Variants in NALF1 observed in about 807,000 individuals in gnomAD.
The protein encoded by NALF1 is family with sequence similarity 155 member A.
A neutral mutation model predicts 48.4 loss-of-function variants in NALF1; 3 were observed. That is an observed-to-expected ratio of 0.06 (90% confidence interval 0.03 to 0.16). The LOEUF is 0.16. Ranked by LOEUF, NALF1 falls within the 10% of genes least tolerant of loss-of-function variation. The probability of loss-of-function intolerance (pLI) is 1.00; values close to 1 mark genes in which losing one functional copy is unlikely to be tolerated. For synonymous variants in NALF1, 262 were observed against 245.7 expected (o/e 1.07, Z -0.62); for missense variants, 526 against 571.5 (o/e 0.92, Z 0.81).
chr13:107,827,320 TTTTTC>T (rs1256371712), intron 1 of NALF1, among the ~76,000 whole-genome samples: 1 of 152,234 alleles, frequency 6.6e-6, no homozygotes, highest in African/African-American at 2.4e-5. Flanking sequence ...TTCTTTTCTC[TTTTTC>T]TTTTCAACTA....
At chr13:107,618,201 A>G (rs1341783132) in intron 1 of NALF1, among the ~76,000 whole-genome samples, 2 of 152,198 alleles carry the variant, frequency 1.3e-5, no homozygotes, top group African/African-American at 4.8e-5. Context: ...CAGCTGAGAT[A>G]GAAACCAGAA....
intron 2 of NALF1, among the ~76,000 whole-genome samples, chr13:107,171,048 GA>G (rs1235386649): frequency 2.4e-4 from 37 of 152,176 alleles, no homozygotes; most frequent in African/African-American, 7.7e-4. Context: ...CAGAATAGAA[GA>G]TTTCATTAAG....
At chr13:107,377,570 G>A (rs558720541) in intron 1 of NALF1, among the ~76,000 whole-genome samples, 17 of 151,956 alleles carry the variant, frequency 1.1e-4, no homozygotes, top group Non-Finnish European at 2.2e-4. Context: ...CCAAGAGTTC[G>A]AAACCAGCCT....
At chr13:107,350,789 C>T (rs536825008) in intron 1 of NALF1, among the ~76,000 whole-genome samples, 2 of 152,304 alleles carry the variant, frequency 1.3e-5, no homozygotes, top group South Asian at 4.1e-4. Context: ...TGATGATGCA[C>T]AGACTGCTGG....
intron 1 of NALF1, among the ~76,000 whole-genome samples, chr13:107,664,214 C>CAAAA (rs1238901790): frequency 2.0e-5 from 3 of 152,072 alleles, no homozygotes; most frequent in Non-Finnish European, 4.4e-5. Context: ...AATGAATAGC[C>CAAAA]TCTACACTTC....
intron 1 of NALF1, among the ~76,000 whole-genome samples, chr13:107,751,819 A>C (rs772427366): frequency 6.6e-5 from 10 of 152,188 alleles, no homozygotes; most frequent in South Asian, 2.1e-4. Flanking sequence ...TTTACTATTG[A>C]CTACTAGCAA....
At chr13:107,502,144 T>A (rs1292763165) in intron 1 of NALF1, among the ~76,000 whole-genome samples, 2 of 152,156 alleles carry the variant, frequency 1.3e-5, no homozygotes, top group Non-Finnish European at 2.9e-5. Flanking sequence ...TCTTAATTAA[T>A]CCTTTGGAAA....
rs1295472061 is a variant in NALF1, at chr13:107,623,651, G to C, written c.915+242031C>G. On this transcript the variant is annotated intron_variant, in intron 1 of 2. Transcript: ENST00000375915. ...ATCATATGTAGAAACGCAAAGATTT[G>C]GCTTGTTTGCTGTGAACTAAGGGAA... Among the ~76,000 whole-genome samples, 3 of 152,130 alleles carry C rather than the reference G, an allele frequency of 2.0e-5. No homozygotes were observed. In the East Asian group the frequency reaches 5.8e-4, roughly 29 times the overall value.
rs1880695676 is a variant in NALF1 at position 107,865,751 on chromosome 13, A to G, written c.846T>C (p.Phe282=). The G allele has an allele frequency of 6.2e-7, 1 of 1,614,002 alleles. No individual in the cohort carries two copies. The highest frequency in any genetic ancestry group is 1.7e-5 in the Admixed American group (1 of 60,004). Reference sequence around the variant, plus strand: ...GTAAATATTTGTGGAGCACGCTTTCAAACTCTTCGTATTTCTCCTGAGCAT... The same window carrying G: ...GTAAATATTTGTGGAGCACGCTTTCGAACTCTTCGTATTTCTCCTGAGCAT... ...DHHAQEKYEE[F]ESVLHKYLQS... is the part of the protein sequence containing the mutation. Residue 282 remains phenylalanine, a synonymous_variant, in exon 1 of 3, where the codon TTT becomes TTC. Transcript: ENST00000375915.
chr13:107,740,395 C>T (rs1307122873), intron 1 of NALF1, among the ~76,000 whole-genome samples: 1 of 152,092 alleles, frequency 6.6e-6, no homozygotes, highest in African/African-American at 2.4e-5. Context: ...TATATCTGTC[C>T]TCTTTATCTT....
At chr13:107,211,364 G>T in intron 1 of NALF1, among the ~76,000 whole-genome samples, 1 of 152,222 alleles carries the variant, frequency 6.6e-6, no homozygotes, top group Non-Finnish European at 1.5e-5. Flanking sequence ...ACATAGAGCA[G>T]ACATCATATG....
intron 1 of NALF1, among the ~76,000 whole-genome samples, chr13:107,284,517 A>T (rs1199520960): frequency 6.6e-6 from 1 of 152,216 alleles, no homozygotes; most frequent in East Asian, 1.9e-4. Flanking sequence ...AAAAACTAAA[A>T]TATCAGTAAG....
chr13:107,798,834 A>C (rs1878513012), intron 1 of NALF1, among the ~76,000 whole-genome samples: 1 of 152,258 alleles, frequency 6.6e-6, no homozygotes, highest in Non-Finnish European at 1.5e-5. Flanking sequence ...AAGGAAAAAC[A>C]AACTGCCCCC....
At chr13:107,418,817 T>C (rs74637556) in intron 1 of NALF1, among the ~76,000 whole-genome samples, 8,016 of 152,206 alleles carry the variant, frequency 0.053, 423 homozygotes, top group African/African-American at 0.14. Context: ...CACATACATG[T>C]AATACCCCTG....
At chr13:107,783,519 G>C (rs1279236030) in intron 1 of NALF1, among the ~76,000 whole-genome samples, 1 of 152,194 alleles carries the variant, frequency 6.6e-6, no homozygotes, top group Non-Finnish European at 1.5e-5. Flanking sequence ...TCTGTACTAA[G>C]AAAAATTCTT....
chr13:107,435,251 T>C (rs1163609287), intron 1 of NALF1, among the ~76,000 whole-genome samples: 1 of 152,072 alleles, frequency 6.6e-6, no homozygotes, highest in Non-Finnish European at 1.5e-5. Context: ...CGTTGAGATG[T>C]TCCATAGGTT....
rs932255840 is a variant in NALF1, at chr13:107,685,246, C to T, written c.915+180436G>A. 2.2e-3 allele frequency among the ~76,000 whole-genome samples: 338 copies of T among 152,016 alleles called. 5 individuals are homozygous for T. The highest frequency in any genetic ancestry group is 3.1e-3 in the East Asian group (16 of 5,144). ...GGAAAATTGCTTGAACCCAGGAAGC[C>T]GAGGGTGCAGTGAGCCAAGACCTGT... On this transcript the variant is annotated intron_variant, in intron 1 of 2. Transcript: ENST00000375915.
chr13:107,531,377 C>T, intron 1 of NALF1: 1 of 153,996 alleles, frequency 6.5e-6, no homozygotes. Context: ...GCTCTGGTCA[C>T]GTGACAAAGA....
At chr13:107,181,828 AC>A (rs1879068998) in intron 2 of NALF1, among the ~76,000 whole-genome samples, 1 of 152,108 alleles carries the variant, frequency 6.6e-6, no homozygotes, top group South Asian at 2.1e-4. Context: ...GAAAAATATG[AC>A]ATTCTTTGTC....
Sources: gnomAD v4.1 joint callset for allele counts (sites outside exome capture counted in the v4.1 genomes callset) on GRCh38, gnomAD v4.1.1 for gene constraint, MANE v1.5 for transcripts, NCBI Gene and HGNC (gene_info 2026-07-23, HGNC 2026-07-21) for gene names.